ELMO1: variants seen among roughly 807,000 people sequenced by gnomAD.
The protein encoded by ELMO1 is engulfment and cell motility 1.
Under a neutral mutation model 98.9 loss-of-function variants are expected in ELMO1, and 26 were observed. The ratio of observed to expected loss-of-function variants is 0.26; its 90% confidence interval spans 0.19 to 0.36. The LOEUF (loss-of-function observed/expected upper bound fraction) is 0.36, where lower values mean the gene tolerates loss of function less well. Ranked by LOEUF, ELMO1 falls within the 10% of genes least tolerant of loss-of-function variation. The probability of loss-of-function intolerance (pLI) is 1.00; values close to 1 mark genes in which losing one functional copy is unlikely to be tolerated. For synonymous variants in ELMO1, 346 were observed against 346.0 expected (o/e 1.00, Z 0.00); for missense variants, 627 against 935.2 (o/e 0.67, Z 4.30).
chr7:36,929,105 G>A (rs1584387561), intron 16 of ELMO1, among the ~76,000 whole-genome samples: 2 of 152,236 alleles, frequency 1.3e-5, no homozygotes, highest in Non-Finnish European at 2.9e-5. Context: ...AGCAGACTCT[G>A]CTAGAACCAA....
chr7:37,228,991 C>T (rs775149203), intron 8 of ELMO1, among the ~76,000 whole-genome samples: 42 of 152,070 alleles, frequency 2.8e-4, no homozygotes, highest in Non-Finnish European at 4.9e-4. Context: ...GACTCTGTCT[C>T]AAAAACAAAA....
intron 1 of ELMO1, among the ~76,000 whole-genome samples, chr7:37,380,251 T>A (rs1408087416): frequency 6.6e-6 from 1 of 152,260 alleles, no homozygotes; most frequent in African/African-American, 2.4e-5. Flanking sequence ...GCTTTTTGAA[T>A]GACAGACAAT....
intron 15 of ELMO1, among the ~76,000 whole-genome samples, chr7:37,068,300 G>A (rs889165152): frequency 2.0e-5 from 3 of 152,266 alleles, no homozygotes; most frequent in South Asian, 2.1e-4. Flanking sequence ...TGAGAGTGAC[G>A]TTAAAGAGAT....
At chr7:36,948,856 TTTTG>T (rs1475867601) in intron 16 of ELMO1, among the ~76,000 whole-genome samples, 16 of 152,156 alleles carry the variant, frequency 1.1e-4, no homozygotes, top group Middle Eastern at 6.8e-3. Context: ...CACTCACTCT[TTTTG>T]TTTGTTTGTT....
At chr7:37,033,281 T>A (rs1384031238) in intron 15 of ELMO1, 2 of 419,944 alleles carry the variant, frequency 4.8e-6, no homozygotes, top group Non-Finnish European at 9.6e-6. Flanking sequence ...TTCCAGGGGA[T>A]CCTTGTGCAG....
At chr7:37,236,668 T>C (rs183986686) in intron 7 of ELMO1, among the ~76,000 whole-genome samples, 55 of 152,350 alleles carry the variant, frequency 3.6e-4, no homozygotes, top group Admixed American at 6.5e-4. Context: ...CTGGGTGACA[T>C]AGTAAGTTCC....
chr7:36,954,742 G>T (rs1024214558), intron 16 of ELMO1, among the ~76,000 whole-genome samples: 1 of 152,154 alleles, frequency 6.6e-6, no homozygotes, highest in African/African-American at 2.4e-5. Context: ...TAACTTTTAA[G>T]ATCTTTTAGG....
chr7:37,233,024 C>A (rs1794267154), intron 8 of ELMO1, 71 bp downstream of exon 8: 15 of 1,298,232 alleles, frequency 1.2e-5, no homozygotes, highest in Non-Finnish European at 1.6e-5. Flanking sequence ...TATGAAACAT[C>A]CTCAAAGCAG....
intron 13 of ELMO1, among the ~76,000 whole-genome samples, chr7:37,163,449 C>T (rs558990948): frequency 3.9e-5 from 6 of 152,046 alleles, no homozygotes; most frequent in African/African-American, 9.7e-5. Context: ...CCCACTAACT[C>T]GTCATCTAGC....
At chr7:37,418,676 G>A (rs1804339111) in intron 1 of ELMO1, among the ~76,000 whole-genome samples, 1 of 152,202 alleles carries the variant, frequency 6.6e-6, no homozygotes, top group South Asian at 2.1e-4. Flanking sequence ...GTCAGATGCT[G>A]ACCTGCAGAA....
Position 37,315,957 on chromosome 7 carries a change from T to C in ELMO1, c.82A>G (p.Lys28Glu), listed in dbSNP as rs1799130577. ...TCCTTTATTATTGCAGACAGTGGTT[T>C]TTTCTGCAAAATAACAAAAAAGGAA... The part of the protein sequence containing the change: ...YPKLMEIDQK[K>E]PLSAIIKEVC... The change falls in exon 3 of 22, where the codon AAA becomes GAA. Residue 28 changes from lysine (K) to glutamate (E), a missense_variant. By Grantham distance (56) the Lys-to-Glu change is moderately conservative. This residue lies in a region of ELMO1 where 123 missense variants were observed against 171.2 expected (regional missense o/e 0.72). Coordinates refer to ENST00000310758, the MANE Select transcript of ELMO1 (RefSeq NM_014800.11). 2 of 1,589,024 alleles carry C rather than the reference T, an allele frequency of 1.3e-6. No homozygotes were observed. The highest frequency in any genetic ancestry group is 2.9e-5 in the African/African-American group (2 of 70,076).
intron 16 of ELMO1, among the ~76,000 whole-genome samples, chr7:37,005,440 C>T (rs1793010622): frequency 6.6e-6 from 1 of 152,070 alleles, no homozygotes; most frequent in African/African-American, 2.4e-5. Flanking sequence ...AACTGTAATC[C>T]CAGCACTTCG....
intron 14 of ELMO1, among the ~76,000 whole-genome samples, chr7:37,115,652 T>C (rs1785540656): frequency 6.6e-6 from 1 of 151,902 alleles, no homozygotes; most frequent in African/African-American, 2.4e-5. Context: ...TACTTAATGA[T>C]GAGAAACTTG....
chr7:37,293,045 G>T (rs1375886067), intron 4 of ELMO1, among the ~76,000 whole-genome samples: 1 of 42,404 alleles, frequency 2.4e-5, no homozygotes, highest in Admixed American at 3.1e-4. Context: ...GAGGGAGGTG[G>T]GGGGGTCAGC....
intron 4 of ELMO1, among the ~76,000 whole-genome samples, chr7:37,283,735 G>A (rs75678981): frequency 0.015 from 2,265 of 152,308 alleles, 58 homozygotes; most frequent in East Asian, 0.099. Context: ...ACCAGGGACT[G>A]CTTCAAAGCA....
chr7:36,918,431 G>A (rs868531344), intron 16 of ELMO1, among the ~76,000 whole-genome samples: 1 of 152,166 alleles, frequency 6.6e-6, no homozygotes, highest in African/African-American at 2.4e-5. Flanking sequence ...GAGGTAAGAA[G>A]AGTAGCACTC....
intron 16 of ELMO1, among the ~76,000 whole-genome samples, chr7:36,899,700 T>TTTTTTTTTTTTTTTTA (rs60221089): frequency 3.5e-5 from 5 of 143,654 alleles, no homozygotes; most frequent in African/African-American, 1.3e-4. Flanking sequence ...TTTTTTTTTT[T>TTTTTTTTTTTTTTTTA]ACCACTCCTA....
At chr7:37,062,148 G>C (rs952853162) in intron 15 of ELMO1, among the ~76,000 whole-genome samples, 1 of 152,186 alleles carries the variant, frequency 6.6e-6, no homozygotes, top group Non-Finnish European at 1.5e-5. Context: ...CAAATGTTAG[G>C]CTAAAGATTA....
chr7:37,284,016 A>T (rs976926909), intron 4 of ELMO1, among the ~76,000 whole-genome samples: 1 of 152,178 alleles, frequency 6.6e-6, no homozygotes, highest in African/African-American at 2.4e-5. Context: ...AGATAGTGTG[A>T]GCACTAGGGG....
Sources: gnomAD v4.1 joint callset for allele counts (sites outside exome capture counted in the v4.1 genomes callset) on GRCh38, gnomAD v4.1.1 for gene constraint, gnomAD v4.1.1 regional missense constraint, MANE v1.5 for transcripts, NCBI Gene and HGNC (gene_info 2026-07-23, HGNC 2026-07-21) for gene names.